SSC4D: variants seen among roughly 807,000 people sequenced by gnomAD.
SSC4D encodes scavenger receptor cysteine rich family member with 4 domains.
A neutral mutation model predicts 63.4 loss-of-function variants in SSC4D; 57 were observed. The ratio of observed to expected loss-of-function variants is 0.90; its 90% CI spans 0.73 to 1.12. SSC4D has a LOEUF of 1.12. SSC4D is among the 50% of genes most tolerant of loss of function. The probability of loss-of-function intolerance (pLI) is 0.00; values close to 1 mark genes in which losing one functional copy is unlikely to be tolerated. For synonymous variants in SSC4D, 352 were observed against 345.4 expected, an observed-to-expected ratio of 1.02 and a Z score of -0.21; for missense variants, 791 against 806.4, an observed-to-expected ratio of 0.98 and a Z score of 0.23.
intron 10 of SSC4D, among the ~76,000 whole-genome samples, chr7:76,391,125 ACT>A (rs1443476380): frequency 7.1e-4 from 108 of 151,802 alleles, no homozygotes; most frequent in Non-Finnish European, 1.0e-4. Flanking sequence ...ACAGAGCAAG[ACT>A]CTGTCTCAAA....
chr7:76,401,947 T>C lies in SSC4D; in HGVS notation c.134-904A>G, dbSNP rs77997290. 1.9e-3 allele frequency among the ~76,000 whole-genome samples: 287 copies of C among 152,330 alleles called. 3 individuals carry two copies. The highest frequency in any genetic ancestry group is 6.8e-3 in the African/African-American group (281 of 41,584). ...GTTCAGTAGCTCCACCTTAAATGTG[T>C]AAATTGGCTTTGGGATTCATCATAT... On this transcript the variant is annotated intron_variant, in intron 2 of 10. Transcript: ENST00000275560.
In SSC4D at chr7:76,390,373, G is replaced by C. The variant is rs897940101; in HGVS notation, c.1414C>G (p.His472Asp). 1 of 1,576,712 alleles carries C rather than the reference G, an allele frequency of 6.3e-7. No individual in the cohort carries two copies. The highest frequency in any genetic ancestry group is 8.6e-7 in the Non-Finnish European group (1 of 1,159,324). Residue 472 changes from histidine to aspartate, a missense_variant and splice_region_variant, in exon 11 of 11, where the codon CAT (histidine) becomes GAT (aspartate). By Grantham distance (81) the His-to-Asp change is moderately conservative (BLOSUM62 -1). Transcript: ENST00000275560. ...RVPTPRPRDG[H>D]LRLVNGAHRC... ...TGGGCTCCATTGACCAGACGTAGAT[G>C]CCCTGTGGGGGGACAGGGCTGGGTT...
chr7:76,392,012 G>A lies in SSC4D; in HGVS notation c.1363C>T (p.Gln455Ter). 6.3e-7 allele frequency: 1 copy of A among 1,585,360 alleles called. No individual in the cohort carries two copies. The highest frequency in any genetic ancestry group is 2.3e-5 in the East Asian group (1 of 43,710). The change falls in exon 10 of 11, where the codon CAG becomes TAG. Residue 455 changes from glutamine to a stop codon, truncating the protein, a stop_gained. Transcript: ENST00000275560. LOFTEE classifies it high-confidence loss of function. ...GPEELGLQVQQDGSETTRVPT... is the reference protein window; with the variant it reads ...GPEELGLQVQ ...ACCCGCGTGGTCTCAGAACCATCCT[G>A]CTGGACTTGCAGTCCCAGCTCCTCT... is the stretch of plus-strand genomic sequence containing the variant.
Position 76,400,463 on chromosome 7 carries a change from C to G in SSC4D, c.298G>C (p.Gly100Arg). Residue 100 changes from glycine to arginine, a missense_variant, in exon 4 of 11, where the codon GGC becomes CGC. Gly to Arg is a moderately radical substitution (Grantham distance 125). Transcript: ENST00000275560. ...VDANVVCRQL[G>R]CGLALPVPRP... ...GGCACGGGCAGTGCCAGGCCACAGC[C>G]CAGCTGGCGACACACTACGTTGGCG... The G allele has an allele frequency of 6.2e-7, 1 of 1,608,714 alleles. No individual in the cohort carries two copies.
chr7:76,395,947 G>A (rs111552654), intron 6 of SSC4D, among the ~76,000 whole-genome samples: 3,085 of 152,230 alleles, frequency 0.02, 52 homozygotes, highest in Middle Eastern at 0.12. Flanking sequence ...CGCCCATCTC[G>A]GCCTCCCAAA....
chr7:76,406,031 G>A (rs138142908), intron 1 of SSC4D, among the ~76,000 whole-genome samples: 1 of 150,674 alleles, frequency 6.6e-6, no homozygotes, highest in Non-Finnish European at 1.5e-5. Context: ...TGTCGTCCAG[G>A]CTGGAATGCA....
At position 76,401,128 on chromosome 7, in the gene SSC4D, G is replaced by T. The variant is rs1241388564; in HGVS notation, c.134-85C>A. 7 of 1,444,416 alleles carry T rather than the reference G, an allele frequency of 4.8e-6. No homozygotes were observed. The African/African-American group carries it at 1.0e-4, about 21-fold the overall frequency. 89.5% of individuals were successfully genotyped at this position (1,444,416 alleles called of 1,614,324 possible). ...AGGAACACACCCCCCAACTCCCACAGTCCTCAACATTACCCCCATCTTCTT... is the reference window on the plus strand; with the variant it reads ...AGGAACACACCCCCCAACTCCCACATTCCTCAACATTACCCCCATCTTCTT... On this transcript the variant is annotated intron_variant, in intron 2 of 10. Coordinates refer to ENST00000275560, the MANE Select transcript of SSC4D (RefSeq NM_080744.2).
intron 6 of SSC4D, among the ~76,000 whole-genome samples, chr7:76,396,911 G>A (rs912617232): frequency 2.0e-5 from 3 of 152,128 alleles, no homozygotes; most frequent in Admixed American, 6.6e-5. Flanking sequence ...AATGCTGTGA[G>A]CATCAGAGAA....
At position 76,397,675 on chromosome 7, in the gene SSC4D, G is replaced by A. The variant is rs1563682585; in HGVS notation, c.711C>T (p.Ala237=). Residue 237 remains alanine, a synonymous_variant, in exon 6 of 11, where the codon GCC becomes GCT. Coordinates refer to ENST00000275560, the MANE Select transcript of SSC4D (RefSeq NM_080744.2). ...AGCCGAAGAAGGCGTTGGTGGTGGC[G>A]GCCATGGCCGCCCCGCAGCCCAGCT... is the stretch of plus-strand genomic sequence containing the variant. ...CRQLGCGAAM[A]ATTNAFFGYG... 2 of 1,613,416 alleles carry A rather than the reference G, an allele frequency of 1.2e-6. No homozygotes were observed. Among genetic ancestry groups the A allele is most frequent in the East Asian group, 4.5e-5 (2 of 44,868 alleles).
chr7:76,390,437 G>A, intron 10 of SSC4D, 62 bp from the exon 11 acceptor site: 4 of 1,474,328 alleles, frequency 2.7e-6, no homozygotes, highest in Middle Eastern at 2.5e-4. Flanking sequence ...CCCAAGCTAG[G>A]TCAGGTTGGC....
rs1430066032 is a variant in SSC4D at position 76,393,438 on chromosome 7, C to T, written c.1300G>A (p.Gly434Ser). 4 of 1,512,992 alleles carry T rather than the reference C, an allele frequency of 2.6e-6. No individual in the cohort carries two copies. The South Asian group carries it at 4.9e-5, about 19-fold the overall frequency. The allele number at this position is 1,512,992 out of a possible 1,614,324, so 93.7% of individuals were successfully genotyped here. ...AGCGCTCCCGCGTCCTCGTGGTGGC[C>T]GCAGTTGTGCTGGCCCCAGCCCAGG... ...FHLGWGQHNC[G>S]HHEDAGALCA... The change falls in exon 9 of 11, where the codon GGC becomes AGC. Residue 434 changes from glycine to serine, a missense_variant. By Grantham distance (56) the Gly-to-Ser change is moderately conservative (BLOSUM62 0). Coordinates refer to ENST00000275560, the MANE Select transcript of SSC4D (RefSeq NM_080744.2).
intron 2 of SSC4D, 138 bp downstream of exon 2, chr7:76,404,169 A>C (rs578123136): frequency 1.6e-6 from 2 of 1,280,808 alleles, no homozygotes; most frequent in African/African-American, 3.0e-5. Context: ...CTCTTTTGTC[A>C]ACTCTGGGCA....
chr7:76,400,471 C>T lies in SSC4D; in HGVS notation c.290G>A (p.Arg97His), dbSNP rs778715074. 49 of 1,607,722 alleles carry T rather than the reference C, an allele frequency of 3.0e-5. No homozygotes were observed. The highest frequency in any genetic ancestry group is 1.3e-4 in the South Asian group (12 of 90,586). Residue 97 changes from arginine (R) to histidine (H), a missense_variant, in exon 4 of 11, where the codon CGC becomes CAC. Arg to His is a conservative substitution (Grantham distance 29, BLOSUM62 0). Coordinates refer to ENST00000275560, the MANE Select transcript of SSC4D (RefSeq NM_080744.2). ...WDVVDANVVC[R>H]QLGCGLALPV... ...CAGTGCCAGGCCACAGCCCAGCTGG[C>T]GACACACTACGTTGGCGTCCACCAC...
rs761109308 is a variant in SSC4D, at chr7:76,397,606, G to A, written c.780C>T (p.Gly260=). 4 of 1,610,214 alleles carry A rather than the reference G, an allele frequency of 2.5e-6. No homozygotes were observed. Among genetic ancestry groups the A allele is most frequent in the South Asian group, 1.1e-5 (1 of 90,778 alleles). Residue 260 remains glycine (G), a synonymous_variant, in exon 6 of 11, where the codon GGC becomes GGT. Transcript: ENST00000275560. ...HILLDNVHCE[G]GEPRLAACQS... is the part of the protein sequence containing the mutation. Reference sequence around the variant, plus strand: ...GGCAGGCTGCCAGGCGGGGCTCGCCGCCTTCGCAGTGCACGTTGTCCAGCA... The same window carrying A: ...GGCAGGCTGCCAGGCGGGGCTCGCCACCTTCGCAGTGCACGTTGTCCAGCA...
At chr7:76,408,266 A>G (rs17149199) in intron 1 of SSC4D, among the ~76,000 whole-genome samples, 12,014 of 152,168 alleles carry the variant, frequency 0.079, 661 homozygotes, top group Middle Eastern at 0.17. Flanking sequence ...ATCTGGATGC[A>G]GACACAGGGA....
At chr7:76,393,964 C>G (rs1407707470) in intron 7 of SSC4D, 60 bp from the exon 8 acceptor site, 3 of 1,513,802 alleles carry the variant, frequency 2.0e-6, no homozygotes, top group South Asian at 1.2e-5. Context: ...TGTCCTGCAG[C>G]AGGGCACGGG....
intron 9 of SSC4D, 69 bp from the exon 10 acceptor site, chr7:76,392,110 C>A: frequency 6.8e-7 from 1 of 1,475,620 alleles, no homozygotes; most frequent in South Asian, 1.2e-5. Context: ...AGGGCCAGGT[C>A]CCCTCCTGCT....
intron 2 of SSC4D, among the ~76,000 whole-genome samples, chr7:76,403,368 C>T (rs1336663598): frequency 4.0e-5 from 5 of 124,232 alleles, no homozygotes; most frequent in Non-Finnish European, 9.4e-5. Context: ...GACAGAGTCT[C>T]GCCCTGTCAC....
intron 2 of SSC4D, 30 bp from the exon 3 acceptor site, chr7:76,401,073 C>A: frequency 6.6e-7 from 1 of 1,526,122 alleles, no homozygotes; most frequent in Non-Finnish European, 8.8e-7. Context: ...AGCATTGGCC[C>A]CTCTGCCCAC....
Sources: allele counts gnomAD v4.1 joint callset (sites outside exome capture counted in the v4.1 genomes callset), GRCh38; gene constraint gnomAD v4.1.1; transcripts MANE v1.5; gene names NCBI Gene and HGNC (gene_info 2026-07-23, HGNC 2026-07-21).